WWOX: variants seen among roughly 807,000 people sequenced by gnomAD.
WWOX encodes the protein WW domain containing oxidoreductase.
Under a neutral mutation model 46.2 loss-of-function variants are expected in WWOX, and 69 were observed. That is an observed-to-expected ratio of 1.49 (90% CI 1.23 to 1.82). The LOEUF is 1.82. Ranked by LOEUF, WWOX falls within the 40% of genes most tolerant of loss-of-function variation. WWOX has a pLI of 0.00. For synonymous variants in WWOX, 359 were observed against 202.6 expected (o/e 1.77, Z -6.56); for missense variants, 919 against 542.6 (o/e 1.69, Z -6.89).
chr16:78,602,313 A>G (rs1471532003), intron 8 of WWOX, among the ~76,000 whole-genome samples: 1 of 151,966 alleles, frequency 6.6e-6, no homozygotes, highest in Non-Finnish European at 1.5e-5. Context: ...GCTTACTGCA[A>G]CCTTCACCTC....
At chr16:78,635,315 G>A (rs1235879688) in intron 8 of WWOX, among the ~76,000 whole-genome samples, 1 of 152,112 alleles carries the variant, frequency 6.6e-6, no homozygotes. Flanking sequence ...CGCCCAAAAA[G>A]CCTGAGGAAG....
intron 8 of WWOX, among the ~76,000 whole-genome samples, chr16:78,463,133 G>C (rs924748306): frequency 1.3e-5 from 2 of 152,196 alleles, no homozygotes; most frequent in African/African-American, 4.8e-5. Flanking sequence ...TACTGTAGGA[G>C]ATTTGGGGTT....
intron 8 of WWOX, among the ~76,000 whole-genome samples, chr16:78,932,243 A>C (rs114914064): frequency 6.6e-6 from 1 of 152,150 alleles, no homozygotes; most frequent in African/African-American, 2.4e-5. Flanking sequence ...ATTGTATCCA[A>C]TTCTTCAGAA....
chr16:79,047,125 C>A (rs1483038192), intron 8 of WWOX, among the ~76,000 whole-genome samples: 1 of 152,264 alleles, frequency 6.6e-6, no homozygotes, highest in African/African-American at 2.4e-5. Flanking sequence ...CATATGTATT[C>A]ATTCATTCAT....
At chr16:78,676,478 C>A (rs956859072) in intron 8 of WWOX, among the ~76,000 whole-genome samples, 1 of 151,926 alleles carries the variant, frequency 6.6e-6, no homozygotes, top group Admixed American at 6.6e-5. Context: ...CTCCCCACCC[C>A]CACCTTTGGT....
chr16:78,748,738 T>A (rs1255799738), intron 8 of WWOX, among the ~76,000 whole-genome samples: 2 of 152,220 alleles, frequency 1.3e-5, no homozygotes, highest in Non-Finnish European at 1.5e-5. Flanking sequence ...GCAGTTATTT[T>A]TCATGCACAC....
At chr16:78,287,679 A>G (rs1011589933) in intron 5 of WWOX, among the ~76,000 whole-genome samples, 31 of 152,208 alleles carry the variant, frequency 2.0e-4, no homozygotes, top group Non-Finnish European at 3.5e-4. Context: ...AAGGACGGAG[A>G]CCAGGCCAAA....
At chr16:78,379,324 T>A (rs1183021645) in intron 5 of WWOX, among the ~76,000 whole-genome samples, 1 of 152,098 alleles carries the variant, frequency 6.6e-6, no homozygotes, top group East Asian at 1.9e-4. Flanking sequence ...AATAGCTAAT[T>A]CCCTGTAAAC....
chr16:78,744,170 G>A (rs969886778), intron 8 of WWOX, among the ~76,000 whole-genome samples: 5 of 152,108 alleles, frequency 3.3e-5, no homozygotes, highest in South Asian at 2.1e-4. Flanking sequence ...CAGAAGGTCC[G>A]TAAAGGTGGT....
At chr16:78,541,206 G>T (rs1157147820) in intron 8 of WWOX, among the ~76,000 whole-genome samples, 1 of 151,928 alleles carries the variant, frequency 6.6e-6, no homozygotes, top group Non-Finnish European at 1.5e-5. Flanking sequence ...CGGGCGCGGT[G>T]GCTCACGCCT....
At chr16:78,478,481 C>T (rs1299514896) in intron 8 of WWOX, among the ~76,000 whole-genome samples, 1 of 152,156 alleles carries the variant, frequency 6.6e-6, no homozygotes, top group Non-Finnish European at 1.5e-5. Context: ...TATTTCCCTC[C>T]CTTCCACAAA....
chr16:78,891,450 C>G (rs895686669), intron 8 of WWOX: 2 of 152,140 alleles, frequency 1.3e-5, no homozygotes, highest in African/African-American at 4.8e-5. Flanking sequence ...ATAAGACCTG[C>G]TGGACCTGTA....
intron 8 of WWOX, among the ~76,000 whole-genome samples, chr16:78,543,639 T>C (rs994489134): frequency 1.3e-5 from 2 of 152,188 alleles, no homozygotes; most frequent in Admixed American, 1.3e-4. Flanking sequence ...AGGGCACTTC[T>C]CAATATTAAA....
At chr16:78,370,646 A>G (rs1319662049) in intron 5 of WWOX, among the ~76,000 whole-genome samples, 3 of 151,894 alleles carry the variant, frequency 2.0e-5, no homozygotes, top group Non-Finnish European at 4.4e-5. Context: ...GTCTTTCTCC[A>G]TATTCTGGGA....
chr16:78,307,716 G>C (rs2080159846), intron 5 of WWOX, among the ~76,000 whole-genome samples: 1 of 152,166 alleles, frequency 6.6e-6, no homozygotes, highest in Admixed American at 6.5e-5. Context: ...ACTCATACAA[G>C]TATGAATGCT....
chr16:78,125,563 C>G (rs576983988), intron 4 of WWOX, among the ~76,000 whole-genome samples: 8 of 152,242 alleles, frequency 5.3e-5, no homozygotes, highest in Admixed American at 5.2e-4. Context: ...ATCCTGGATT[C>G]AGAAGCTGAA....
At chr16:78,366,434 T>C (rs953515060) in intron 5 of WWOX, among the ~76,000 whole-genome samples, 1 of 152,198 alleles carries the variant, frequency 6.6e-6, no homozygotes, top group Non-Finnish European at 1.5e-5. Flanking sequence ...ACAGACACTC[T>C]AAGGAATGGC....
At chr16:79,171,971 G>A (rs1306721928) in intron 8 of WWOX, among the ~76,000 whole-genome samples, 1 of 152,170 alleles carries the variant, frequency 6.6e-6, no homozygotes, top group South Asian at 2.1e-4. Context: ...TTCAGATGCA[G>A]TTGGCAGTTT....
At chr16:78,607,451 G>C (rs889305774) in intron 8 of WWOX, among the ~76,000 whole-genome samples, 2 of 152,078 alleles carry the variant, frequency 1.3e-5, no homozygotes, top group African/African-American at 4.8e-5. Flanking sequence ...AGCACAAATT[G>C]TTTCAAAAAT....
Sources: allele counts gnomAD v4.1 joint callset (sites outside exome capture counted in the v4.1 genomes callset), GRCh38; gene constraint gnomAD v4.1.1; transcripts MANE v1.5; gene names NCBI Gene and HGNC (gene_info 2026-07-23, HGNC 2026-07-21).